UGGT1: variants seen among roughly 807,000 people sequenced by gnomAD.
UGGT1 encodes UDP-glucose:glycoprotein glucosyltransferase 1.
Under a neutral mutation model 203.9 loss-of-function variants are expected in UGGT1, and 107 were observed. The observed-to-expected ratio is 0.52, with a 90% CI of 0.45 to 0.62. The LOEUF is 0.62. UGGT1 is among the 20% of genes least tolerant of loss of function. The pLI is 0.00. For missense variants in UGGT1, 1,673 were observed against 1,867.2 expected, an observed-to-expected ratio of 0.90 and a Z score of 1.92; for synonymous variants, 628 against 653.5, an observed-to-expected ratio of 0.96 and a Z score of 0.59.
At chr2:128,097,393 C>T (rs772545148) in intron 1 of UGGT1, 36 bp from the exon 2 acceptor site, 7 of 1,582,038 alleles carry the variant, frequency 4.4e-6, no homozygotes, top group Non-Finnish European at 5.1e-6. Flanking sequence ...AAAAAATTTC[C>T]TTGTAGCAAA....
At chr2:128,110,918 A>T (rs1164749886) in intron 5 of UGGT1, among the ~76,000 whole-genome samples, 1 of 152,194 alleles carries the variant, frequency 6.6e-6, no homozygotes. Context: ...ATCTGTATTC[A>T]TGTCTTTACT....
At chr2:128,142,484 C>T (rs1026467391) in intron 16 of UGGT1, among the ~76,000 whole-genome samples, 1 of 149,092 alleles carries the variant, frequency 6.7e-6, no homozygotes, top group Non-Finnish European at 1.5e-5. Flanking sequence ...ACTCAGGAGG[C>T]TGAGGCAGGA....
At position 128,195,118 on chromosome 2, in the gene UGGT1, G is replaced by A. The variant is rs1692455648; in HGVS notation, c.*5376G>A. 1 of 152,264 alleles carries A rather than the reference G, an allele frequency of 6.6e-6. No homozygotes were observed. The highest frequency in any genetic ancestry group is 6.5e-5 in the Admixed American group (1 of 15,278). The allele number at this position is 152,264 out of a possible 1,614,324, so 9.4% of individuals were successfully genotyped here. On this transcript the variant is annotated 3_prime_UTR_variant, in exon 41 of 41. Transcript: ENST00000259253. ...TCACGCCTGTAATCCTAGCACCTTGGGAGGCCAAGGCAGGCGGATCACCCG... is the reference window on the plus strand; with the variant it reads ...TCACGCCTGTAATCCTAGCACCTTGAGAGGCCAAGGCAGGCGGATCACCCG...
At chr2:128,189,628 T>A (rs574997634) in intron 40 of UGGT1, 89 bp from the exon 41 acceptor site, 1 of 1,333,804 alleles carries the variant, frequency 7.5e-7, no homozygotes, top group Non-Finnish European at 1.1e-6. Context: ...GTACAAAGAA[T>A]AGGTTCCAGT....
intron 22 of UGGT1, among the ~76,000 whole-genome samples, 199 bp from the exon 23 acceptor site, chr2:128,159,315 G>A (rs889638486): frequency 3.3e-5 from 5 of 151,870 alleles, no homozygotes; most frequent in Admixed American, 6.6e-5. Flanking sequence ...TGGCCAGGCT[G>A]GTCTCGAACT....
intron 16 of UGGT1, among the ~76,000 whole-genome samples, chr2:128,141,115 G>C (rs1425245371): frequency 6.6e-6 from 1 of 152,100 alleles, no homozygotes; most frequent in Admixed American, 6.5e-5. Flanking sequence ...CCTGAGGTCA[G>C]GAGTTTGAGA....
At chr2:128,153,835 C>T (rs1573582770) in intron 19 of UGGT1, among the ~76,000 whole-genome samples, 1 of 152,106 alleles carries the variant, frequency 6.6e-6, no homozygotes, top group Non-Finnish European at 1.5e-5. Context: ...ATTCTGAGGC[C>T]TCTTCAGCAA....
rs1327952927 is a variant in UGGT1, at chr2:128,183,705, T to C, written c.4275T>C (p.Phe1425=). ...TATATGTTGTGGATCTGAAGAAGTT[T>C]AGGAAAATAGCTGCTGGTGACAGAC... is the stretch of plus-strand genomic sequence containing the variant. ...SALYVVDLKK[F]RKIAAGDRLR... The change falls in exon 38 of 41, where the codon TTT becomes TTC. Residue 1425 remains phenylalanine, a synonymous_variant. Coordinates refer to ENST00000259253, the MANE Select transcript of UGGT1 (RefSeq NM_020120.4). 1 of 1,614,082 alleles carries C rather than the reference T, an allele frequency of 6.2e-7. No homozygotes were observed. Among genetic ancestry groups the C allele is most frequent in the South Asian group, 1.1e-5 (1 of 91,078 alleles).
chr2:128,164,776 C>G lies in UGGT1; in HGVS notation c.2872C>G (p.Pro958Ala), dbSNP rs767772350. Reference sequence around the variant, plus strand: ...GGTGGATGCTCTTCTGTCAGCGCAACCAAAAGGAGATCCAAGAATCGAGTA... The same window carrying G: ...GGTGGATGCTCTTCTGTCAGCGCAAGCAAAAGGAGATCCAAGAATCGAGTA... The part of the protein sequence containing the change: ...MKVDALLSAQ[P>A]KGDPRIEYQF... Residue 958 changes from proline (P) to alanine (A), a missense_variant, in exon 26 of 41, where the codon CCA becomes GCA. Physicochemically the swap from Pro to Ala is conservative, Grantham distance 27. This residue lies in a region of UGGT1 where 1,073 missense variants were observed against 1,078.7 expected (regional missense o/e 0.99). Coordinates refer to ENST00000259253, the MANE Select transcript of UGGT1 (RefSeq NM_020120.4). 1 of 1,612,230 alleles carries G rather than the reference C, an allele frequency of 6.2e-7. No homozygotes were observed. Among genetic ancestry groups the G allele is most frequent in the Non-Finnish European group, 8.5e-7 (1 of 1,179,350 alleles).
rs551437729 is a variant in UGGT1, at chr2:128,140,838, C to T, written c.1719+1986C>T. On this transcript the variant is annotated intron_variant, in intron 16 of 40. Coordinates refer to ENST00000259253, the MANE Select transcript of UGGT1 (RefSeq NM_020120.4). Reference sequence around the variant, plus strand: ...GACTACAGGCATGCATCACCATACCCAGCTAATTTTGTTGTTGTTTTTAAT... The same window carrying T: ...GACTACAGGCATGCATCACCATACCTAGCTAATTTTGTTGTTGTTTTTAAT... 2.0e-3 allele frequency among the ~76,000 whole-genome samples: 298 copies of T among 152,214 alleles called. 1 individual carries two copies. The Middle Eastern group carries it at 0.02, about 10-fold the overall frequency.
intron 16 of UGGT1, among the ~76,000 whole-genome samples, chr2:128,142,683 C>G (rs1415281607): frequency 6.6e-6 from 1 of 151,378 alleles, no homozygotes; most frequent in Non-Finnish European, 1.5e-5. Context: ...CCAATTTGAC[C>G]TTTCAAGAAA....
At chr2:128,112,795 G>T (rs2105368598) in intron 5 of UGGT1, among the ~76,000 whole-genome samples, 1 of 151,656 alleles carries the variant, frequency 6.6e-6, no homozygotes, top group Middle Eastern at 3.4e-3. Flanking sequence ...TGTTGCCCAG[G>T]CTTTGTCTTA....
intron 8 of UGGT1, 37 bp downstream of exon 8, chr2:128,116,380 T>A: frequency 1.5e-6 from 2 of 1,360,228 alleles, no homozygotes; most frequent in Non-Finnish European, 2.1e-6. Context: ...AACGCCCTCA[T>A]TTTCTTTAAG....
At chr2:128,155,412 C>A in intron 19 of UGGT1, 77 bp from the exon 20 acceptor site, 4 of 1,069,454 alleles carry the variant, frequency 3.7e-6, no homozygotes, top group South Asian at 2.9e-5. Context: ...ATATTATGAT[C>A]AAGTCAGGTT....
intron 2 of UGGT1, among the ~76,000 whole-genome samples, chr2:128,101,625 G>T (rs954991190): frequency 9.2e-5 from 14 of 152,142 alleles, no homozygotes; most frequent in African/African-American, 2.9e-4. Context: ...TTATATTCCA[G>T]CTTTTCCATT....
At chr2:128,180,615 A>G (rs1691644914) in intron 35 of UGGT1, among the ~76,000 whole-genome samples, 1 of 152,236 alleles carries the variant, frequency 6.6e-6, no homozygotes, top group South Asian at 2.1e-4. Context: ...ATGTGCTGTA[A>G]AAACACACAC....
intron 21 of UGGT1, among the ~76,000 whole-genome samples, 186 bp from the exon 22 acceptor site, chr2:128,157,066 T>C (rs1406382705): frequency 3.3e-5 from 5 of 152,228 alleles, no homozygotes; most frequent in African/African-American, 1.2e-4. Flanking sequence ...CTAAACTCTG[T>C]GGAAGATTCC....
rs562680928 is a variant in UGGT1, at chr2:128,189,821, T to C, written c.*79T>C. ...ATGCTAGTTTTTTCTGATCTGTCTA[T>C]ACAACTGCTGATAAGCCGGCTGGGC... On this transcript the variant is annotated 3_prime_UTR_variant, in exon 41 of 41. Transcript: ENST00000259253. 1.7e-5 allele frequency: 26 copies of C among 1,531,850 alleles called. 1 individual carries two copies. In the South Asian group the frequency reaches 2.9e-4, roughly 17 times the overall value. The allele number at this position is 1,531,850 out of a possible 1,614,324, so 94.9% of individuals were successfully genotyped here. A position where few individuals can be genotyped will look rare whatever the true frequency, so the allele number is the denominator to read the frequency against.
chr2:128,180,683 C>T (rs1456833950), intron 35 of UGGT1, among the ~76,000 whole-genome samples: 1 of 152,118 alleles, frequency 6.6e-6, no homozygotes, highest in African/African-American at 2.4e-5. Flanking sequence ...ATGTGGTGAC[C>T]AGAAGTCATA....
Sources: gnomAD v4.1 joint callset for allele counts (sites outside exome capture counted in the v4.1 genomes callset) on GRCh38, gnomAD v4.1.1 for gene constraint, gnomAD v4.1.1 regional missense constraint, MANE v1.5 for transcripts, NCBI Gene and HGNC (gene_info 2026-07-23, HGNC 2026-07-21) for gene names.